USP13: variants seen among roughly 807,000 people sequenced by gnomAD.
USP13 encodes the protein ubiquitin specific peptidase 13.
Under a neutral mutation model 107.8 loss-of-function variants are expected in USP13, and 68 were observed. That is an observed-to-expected ratio of 0.63 (90% CI 0.52 to 0.77). The LOEUF (loss-of-function observed/expected upper bound fraction) is 0.77. Ranked by LOEUF, USP13 falls within the 30% of genes least tolerant of loss-of-function variation. The pLI, the probability that USP13 is intolerant of heterozygous loss-of-function variation, is 0.00. For missense variants in USP13, 945 were observed against 1,093.3 expected (o/e 0.86, Z 1.91); for synonymous variants, 377 against 389.5 (o/e 0.97, Z 0.38).
chr3:179,784,899 G>GAGA lies in USP13; in HGVS notation c.*762_*764dup, dbSNP rs1307796039. On this transcript the variant is annotated 3_prime_UTR_variant, in exon 21 of 21. Coordinates refer to ENST00000263966, the MANE Select transcript of USP13 (RefSeq NM_003940.3). ...ACAAAACTATGACTCAGGAACCTTC[G>GAGA]AGAAGATTAGTTCCCCACTTAGATT... 3.3e-5 allele frequency: 5 copies of GAGA among 152,282 alleles called. No individual in the cohort carries two copies. The highest frequency in any genetic ancestry group is 7.4e-5 in the Non-Finnish European group (5 of 68,014). 9.4% of individuals were successfully genotyped at this position (152,282 alleles called of 1,614,324 possible). A position where few individuals can be genotyped will look rare whatever the true frequency, so the allele number is the denominator to read the frequency against.
intron 3 of USP13, among the ~76,000 whole-genome samples, chr3:179,690,724 C>A (rs557969497): frequency 3.3e-5 from 5 of 152,166 alleles, no homozygotes; most frequent in African/African-American, 1.2e-4. Context: ...AGGCACACAC[C>A]ACCACGACTG....
chr3:179,748,377 AAG>A (rs1714485244), intron 13 of USP13, among the ~76,000 whole-genome samples: 1 of 152,232 alleles, frequency 6.6e-6, no homozygotes, highest in African/African-American at 2.4e-5. Context: ...GTGGATTTCT[AAG>A]AGATGTTATT....
chr3:179,765,126 G>A (rs1381148791), intron 18 of USP13, among the ~76,000 whole-genome samples: 1 of 152,178 alleles, frequency 6.6e-6, no homozygotes, highest in Non-Finnish European at 1.5e-5. Flanking sequence ...TGAAGTACAT[G>A]GAGTTCAGTT....
rs1553797370 is a variant in USP13, at chr3:179,750,326, G to GTGTGTATATATATATATATATATA, written c.1710-1958_1710-1957insGTGTATATATATATATATATATAT. On this transcript the variant is annotated intron_variant, in intron 13 of 20. Coordinates refer to ENST00000263966, the MANE Select transcript of USP13 (RefSeq NM_003940.3). ...TGTGTATATATATATATATATGTGT[G>GTGTGTATATATATATATATATATA]TATATATATATATATATATGTATAT... 1.8e-3 allele frequency among the ~76,000 whole-genome samples: 135 copies of GTGTGTATATATATATATATATATA among 75,830 alleles called. 2 individuals are homozygous for GTGTGTATATATATATATATATATA. The Middle Eastern group carries it at 0.05, about 28-fold the overall frequency. The allele number at this position is 75,830 out of a possible 152,430, so 49.7% of individuals were successfully genotyped here.
At position 179,707,663 on chromosome 3, in the gene USP13, A is replaced by C. The variant is rs115892840; in HGVS notation, c.620+587A>C. On this transcript the variant is annotated intron_variant, in intron 5 of 20. Coordinates refer to ENST00000263966, the MANE Select transcript of USP13 (RefSeq NM_003940.3). ...TTGTCTCAGAGTCTTGTTTTAGGGC[A>C]GTCCAACTTACAAGTCTTTGGTTGT... 5.9e-3 allele frequency among the ~76,000 whole-genome samples: 900 copies of C among 152,312 alleles called. 8 individuals carry two copies. Among genetic ancestry groups the C allele is most frequent in the African/African-American group, 0.021 (872 of 41,562 alleles).
chr3:179,781,649 A>G, intron 19 of USP13, 90 bp from the exon 20 acceptor site: 1 of 1,102,996 alleles, frequency 9.1e-7, no homozygotes, highest in Admixed American at 1.9e-5. Flanking sequence ...CAGTTGCTGG[A>G]TTATACTATG....
At chr3:179,719,128 A>G (rs913972705) in intron 6 of USP13, among the ~76,000 whole-genome samples, 29 of 152,120 alleles carry the variant, frequency 1.9e-4, no homozygotes, top group African/African-American at 6.8e-4. Context: ...CAGGTGGGAT[A>G]TTATTATCCG....
intron 12 of USP13, among the ~76,000 whole-genome samples, chr3:179,743,472 A>G (rs1714278807): frequency 6.6e-6 from 1 of 151,628 alleles, no homozygotes; most frequent in Non-Finnish European, 1.5e-5. Context: ...GTGGTGGGTC[A>G]GTTTATGATG....
intron 2 of USP13, among the ~76,000 whole-genome samples, chr3:179,687,895 G>A (rs1711935022): frequency 6.6e-6 from 1 of 151,980 alleles, no homozygotes; most frequent in African/African-American, 2.4e-5. Context: ...ATGATCTGGA[G>A]CCTGCAGCCT....
intron 1 of USP13, among the ~76,000 whole-genome samples, chr3:179,670,070 C>A (rs983968334): frequency 6.6e-6 from 1 of 152,192 alleles, no homozygotes; most frequent in Non-Finnish European, 1.5e-5. Context: ...ACCCTCAAAG[C>A]AGTAGCCAAG....
intron 4 of USP13, among the ~76,000 whole-genome samples, chr3:179,703,595 A>T (rs1030117708): frequency 1.3e-5 from 2 of 152,178 alleles, no homozygotes; most frequent in Admixed American, 6.5e-5. Flanking sequence ...CAGGCTCCCT[A>T]GGGAAAAAAA....
intron 3 of USP13, among the ~76,000 whole-genome samples, chr3:179,700,139 G>A (rs1307475942): frequency 6.6e-6 from 1 of 152,054 alleles, no homozygotes; most frequent in African/African-American, 2.4e-5. Context: ...ATTTCCCTGA[G>A]CCTTCGTTTA....
At chr3:179,686,508 G>A (rs1299223017) in intron 2 of USP13, among the ~76,000 whole-genome samples, 5 of 152,210 alleles carry the variant, frequency 3.3e-5, no homozygotes, top group Non-Finnish European at 7.3e-5. Flanking sequence ...TTGAGCCCAG[G>A]AATTTCAGGT....
At chr3:179,738,747 C>T (rs1261750004) in intron 10 of USP13, among the ~76,000 whole-genome samples, 1 of 152,156 alleles carries the variant, frequency 6.6e-6, no homozygotes, top group Admixed American at 6.5e-5. Flanking sequence ...TATTAAAGAG[C>T]CAGTTTTAGT....
chr3:179,654,666 C>A lies in USP13; in HGVS notation c.168+1273C>A, dbSNP rs542371766. Among the ~76,000 whole-genome samples the A allele has an allele frequency of 2.0e-5, 3 of 152,216 alleles. No individual in the cohort carries two copies. In the East Asian group the frequency reaches 5.8e-4, roughly 29 times the overall value. The stretch of plus-strand genomic sequence containing the variant: ...TGGGAGGCGCATGGATTGGATGGAC[C>A]GAGGCAGGTCTCGCAATGGTCTAAT... On this transcript the variant is annotated intron_variant, in intron 1 of 20. Transcript: ENST00000263966.
At chr3:179,697,427 G>A (rs1371479964) in intron 3 of USP13, among the ~76,000 whole-genome samples, 1 of 152,234 alleles carries the variant, frequency 6.6e-6, no homozygotes, top group Non-Finnish European at 1.5e-5. Context: ...CCCTGGCTTT[G>A]TGTAGGGACC....
chr3:179,760,711 C>T (rs899237875), intron 16 of USP13, among the ~76,000 whole-genome samples: 8 of 152,152 alleles, frequency 5.3e-5, no homozygotes, highest in African/African-American at 2.4e-5. Flanking sequence ...CCTGCAGTAA[C>T]TTTCTGTGAG....
rs1257894165 is a variant in USP13, at chr3:179,678,285, GTCTA to G, written c.169-3586_169-3583del. Among the ~76,000 whole-genome samples, 1 of 152,102 alleles carries G rather than the reference GTCTA, an allele frequency of 6.6e-6. No individual in the cohort carries two copies. Among genetic ancestry groups the G allele is most frequent in the African/African-American group, 2.4e-5 (1 of 41,410 alleles). ...TGATGCAGTATGTTTTTCTTAGGAGGTCTATCTATCCAAAGAACATGTTTATTTA... is the reference window on the plus strand; with the variant it reads ...TGATGCAGTATGTTTTTCTTAGGAGGTCTATCCAAAGAACATGTTTATTTA... On this transcript the variant is annotated intron_variant, in intron 1 of 20. Coordinates refer to ENST00000263966, the MANE Select transcript of USP13 (RefSeq NM_003940.3). This position sits in a 1 kb window ranked among gnomAD's most constrained non-coding sequence, Gnocchi z 4.2.
At chr3:179,697,986 A>G (rs75712791) in intron 3 of USP13, among the ~76,000 whole-genome samples, 3,141 of 152,284 alleles carry the variant, frequency 0.021, 122 homozygotes, top group African/African-American at 0.072. Context: ...TTAAAATACA[A>G]TGCAACTCTT....
Sources: allele counts gnomAD v4.1 joint callset (sites outside exome capture counted in the v4.1 genomes callset), GRCh38; gene constraint gnomAD v4.1.1; non-coding constraint Gnocchi (gnomAD v3.1); transcripts MANE v1.5; gene names NCBI Gene and HGNC (gene_info 2026-07-23, HGNC 2026-07-21).